The following SGK3 variants were observed in gnomAD, a reference collection of about 807,000 sequenced individuals.
SGK3 encodes serum/glucocorticoid regulated kinase family member 3.
Under a neutral mutation model 68.5 loss-of-function variants are expected in SGK3, and 47 were observed. That is an observed-to-expected ratio of 0.69 (90% CI 0.54 to 0.87). The LOEUF is 0.87. Among genes scored for constraint, SGK3 ranks in the 40% least tolerant of loss-of-function variants. The probability of loss-of-function intolerance (pLI) is 0.00; values close to 1 mark genes in which losing one functional copy is unlikely to be tolerated. For missense variants in SGK3, 479 were observed against 575.5 expected (o/e 0.83, Z 1.72); for synonymous variants, 181 against 189.1 (o/e 0.96, Z 0.35).
chr8:66,761,759 ACT>A (rs1563614235), intron 1 of SGK3, among the ~76,000 whole-genome samples: 1 of 151,818 alleles, frequency 6.6e-6, no homozygotes, highest in Non-Finnish European at 1.5e-5. Context: ...ACAGAGTGAG[ACT>A]CTCTCTAAAA....
intron 14 of SGK3, among the ~76,000 whole-genome samples, chr8:66,845,596 A>T (rs556885502): frequency 6.6e-6 from 1 of 152,022 alleles, no homozygotes; most frequent in East Asian, 1.9e-4. Flanking sequence ...AATGATCACG[A>T]CTCACTGCAA....
At position 66,861,995 on chromosome 8, in the gene SGK3, A is replaced by C. The variant is rs1001995386; in HGVS notation, c.*2414A>C. 6.6e-6 allele frequency: 1 copy of C among 152,212 alleles called. No homozygotes were observed. Among genetic ancestry groups the C allele is most frequent in the Non-Finnish European group, 1.5e-5 (1 of 68,028 alleles). The allele number at this position is 152,212 out of a possible 1,614,324, so 9.4% of individuals were successfully genotyped here. On this transcript the variant is annotated 3_prime_UTR_variant, in exon 17 of 17. Transcript: ENST00000521198. Reference sequence around the variant, plus strand: ...GATCACAAGAAATACAAATCTATATAGTATAATAAAATCAGCAAAAAGATC... The same window carrying C: ...GATCACAAGAAATACAAATCTATATCGTATAATAAAATCAGCAAAAAGATC...
chr8:66,746,330 G>T (rs905500763), intron 1 of SGK3, among the ~76,000 whole-genome samples: 1 of 152,142 alleles, frequency 6.6e-6, no homozygotes, highest in South Asian at 2.1e-4. Context: ...AATTCTGAGA[G>T]AAAAGATGAA....
chr8:66,838,337 T>C (rs1463855493), intron 10 of SGK3, among the ~76,000 whole-genome samples: 1 of 152,146 alleles, frequency 6.6e-6, no homozygotes, highest in Non-Finnish European at 1.5e-5. Context: ...GTGCTGGAAT[T>C]AAAGGCGTGA....
intron 8 of SGK3, among the ~76,000 whole-genome samples, chr8:66,834,576 A>T (rs1342211159): frequency 6.6e-6 from 1 of 152,072 alleles, no homozygotes; most frequent in Non-Finnish European, 1.5e-5. Flanking sequence ...GTTTTTCTGT[A>T]TGTATGCTAT....
chr8:66,858,246 A>G (rs1031422407), intron 16 of SGK3, among the ~76,000 whole-genome samples: 5 of 151,942 alleles, frequency 3.3e-5, no homozygotes, highest in African/African-American at 1.2e-4. Flanking sequence ...CAGGTGGATC[A>G]CGAGGTCAGG....
At chr8:66,777,735 G>A (rs1806768441) in intron 1 of SGK3, among the ~76,000 whole-genome samples, 1 of 152,118 alleles carries the variant, frequency 6.6e-6, no homozygotes, top group Admixed American at 6.5e-5. Flanking sequence ...AGAGTGAAAA[G>A]CCTGACATTC....
At chr8:66,759,052 G>A (rs1431431245) in intron 1 of SGK3, among the ~76,000 whole-genome samples, 4 of 151,206 alleles carry the variant, frequency 2.6e-5, no homozygotes, top group African/African-American at 9.7e-5. Flanking sequence ...GTCTTAATAA[G>A]GCCTTCTTTT....
intron 1 of SGK3, among the ~76,000 whole-genome samples, chr8:66,744,893 A>G (rs1261756910): frequency 2.0e-5 from 3 of 150,528 alleles, no homozygotes; most frequent in Non-Finnish European, 4.4e-5. Context: ...CCTCTTGCCA[A>G]CCTTGGCATT....
At chr8:66,809,758 C>A (rs1340086857) in intron 4 of SGK3, among the ~76,000 whole-genome samples, 1 of 152,220 alleles carries the variant, frequency 6.6e-6, no homozygotes, top group Non-Finnish European at 1.5e-5. Context: ...AATCCTCGTA[C>A]AACTTCTGAT....
intron 1 of SGK3, among the ~76,000 whole-genome samples, chr8:66,729,743 A>G (rs970583171): frequency 1.1e-4 from 17 of 151,170 alleles, no homozygotes; most frequent in Non-Finnish European, 2.5e-4. Context: ...ATTTTTATTT[A>G]TTTATTTATT....
chr8:66,733,322 G>A (rs1045076709), intron 1 of SGK3, among the ~76,000 whole-genome samples: 3 of 152,144 alleles, frequency 2.0e-5, no homozygotes, highest in Admixed American at 6.5e-5. Context: ...AAGTGTTGTT[G>A]AAATACATCT....
intron 1 of SGK3, among the ~76,000 whole-genome samples, chr8:66,760,771 A>G (rs1432367095): frequency 6.6e-6 from 1 of 152,130 alleles, no homozygotes; most frequent in African/African-American, 2.4e-5. Flanking sequence ...ACAATCACAC[A>G]AGGGCTTTTC....
chr8:66,815,147 G>A (rs1039591721), intron 5 of SGK3, among the ~76,000 whole-genome samples: 1 of 152,174 alleles, frequency 6.6e-6, no homozygotes, highest in African/African-American at 2.4e-5. Flanking sequence ...GCTCACAGAG[G>A]CCTTCTACTA....
chr8:66,741,835 A>T (rs1324154736), intron 1 of SGK3, among the ~76,000 whole-genome samples: 1 of 152,226 alleles, frequency 6.6e-6, no homozygotes, highest in Non-Finnish European at 1.5e-5. Context: ...GGCTTTGGTA[A>T]TAATCAAGAT....
intron 1 of SGK3, among the ~76,000 whole-genome samples, chr8:66,765,893 C>T (rs558552963): frequency 5.9e-5 from 9 of 151,800 alleles, no homozygotes; most frequent in African/African-American, 1.7e-4. Context: ...GGCGCCATGG[C>T]GGGCACCTGT....
chr8:66,790,709 A>T (rs151281626), intron 1 of SGK3: 2 of 152,284 alleles, frequency 1.3e-5, no homozygotes, highest in African/African-American at 4.8e-5. Context: ...CTTTGTGCAC[A>T]TTCTCAAGAA....
chr8:66,718,097 C>T (rs1037028825), intron 1 of SGK3, among the ~76,000 whole-genome samples: 2 of 151,772 alleles, frequency 1.3e-5, no homozygotes, highest in Admixed American at 1.3e-4. Flanking sequence ...ATGATCTCGG[C>T]TCACTACAAC....
intron 1 of SGK3, among the ~76,000 whole-genome samples, chr8:66,734,350 T>TA (rs1014940821): frequency 4.3e-4 from 65 of 151,948 alleles, no homozygotes; most frequent in African/African-American, 1.4e-3. Flanking sequence ...CAAATAATGC[T>TA]ATGTGGAATT....
Sources: gnomAD v4.1 joint callset for allele counts (sites outside exome capture counted in the v4.1 genomes callset) on GRCh38, gnomAD v4.1.1 for gene constraint, MANE v1.5 for transcripts, NCBI Gene and HGNC (gene_info 2026-07-23, HGNC 2026-07-21) for gene names.